The following TMEM132B variants were observed in gnomAD, a reference collection of about 807,000 sequenced individuals.
TMEM132B encodes transmembrane protein 132B.
A neutral mutation model predicts 90.8 loss-of-function variants in TMEM132B; 18 were observed. That is an observed-to-expected ratio of 0.20 (90% CI 0.14 to 0.29). The LOEUF (loss-of-function observed/expected upper bound fraction) is 0.29. TMEM132B is among the 10% of genes least tolerant of loss of function. TMEM132B has a pLI of 1.00. For synonymous variants in TMEM132B, 504 were observed against 523.3 expected, an observed-to-expected ratio of 0.96 and a Z score of 0.50; for missense variants, 1,096 against 1,326.8, an observed-to-expected ratio of 0.83 and a Z score of 2.70.
intron 3 of TMEM132B, among the ~76,000 whole-genome samples, chr12:125,504,557 A>G (rs181083482): frequency 8.5e-5 from 13 of 152,278 alleles, no homozygotes; most frequent in Non-Finnish European, 1.6e-4. Flanking sequence ...AATCTGTTGT[A>G]ATGGCACCTG....
At position 125,659,255 on chromosome 12, in the gene TMEM132B, T is replaced by G. The variant is rs117837469; in HGVS notation, c.*4545T>G. 49 of 152,336 alleles carry G rather than the reference T, an allele frequency of 3.2e-4. No homozygotes were observed. In the East Asian group the frequency reaches 7.9e-3, roughly 25 times the overall value. 9.4% of individuals were successfully genotyped at this position (152,336 alleles called of 1,614,324 possible). Reference sequence around the variant, plus strand: ...TTATCCTAGTAGGCTGGGGAAAGCTTCTCTCCAGATGTCTCAGAAAAAGAT... The same window carrying G: ...TTATCCTAGTAGGCTGGGGAAAGCTGCTCTCCAGATGTCTCAGAAAAAGAT... On this transcript the variant is annotated 3_prime_UTR_variant, in exon 9 of 9. Coordinates refer to ENST00000682704, the MANE Select transcript of TMEM132B (RefSeq NM_001366854.1).
chr12:125,300,356 T>G (rs1477887707), intron 1 of TMEM132B, among the ~76,000 whole-genome samples: 1 of 152,090 alleles, frequency 6.6e-6, no homozygotes, highest in Non-Finnish European at 1.5e-5. Flanking sequence ...TTTATATCCC[T>G]TGTTACAGCC....
chr12:125,280,845 G>C (rs2136130471), intron 1 of TMEM132B, among the ~76,000 whole-genome samples: 1 of 152,382 alleles, frequency 6.6e-6, no homozygotes, highest in African/African-American at 2.4e-5. Context: ...TTTGCGGGAA[G>C]AATGCTCATT....
chr12:125,654,064 G>T lies in TMEM132B; in HGVS notation c.2606G>T (p.Gly869Val), dbSNP rs1166524782. Residue 869 changes from glycine to valine, a missense_variant, in exon 9 of 9, where the codon GGT becomes GTT. Physicochemically the swap from Gly to Val is moderately radical, Grantham distance 109. Transcript: ENST00000682704. The surrounding 1 kb of genome is among the most constrained non-coding windows in gnomAD (Gnocchi z 5.8). ...MEGKNKLLKS[G>V]GPDAFTSFPT... Reference sequence around the variant, plus strand: ...GGGAAGAATAAGTTACTCAAAAGTGGTGGTCCAGATGCCTTTACAAGCTTC... The same window carrying T: ...GGGAAGAATAAGTTACTCAAAAGTGTTGGTCCAGATGCCTTTACAAGCTTC... 2.5e-6 allele frequency: 4 copies of T among 1,614,012 alleles called. No homozygotes were observed. In the African/African-American group the frequency reaches 5.3e-5, roughly 22 times the overall value.
At chr12:125,467,152 G>T (rs1881585256) in intron 3 of TMEM132B, among the ~76,000 whole-genome samples, 1 of 152,066 alleles carries the variant, frequency 6.6e-6, no homozygotes, top group Non-Finnish European at 1.5e-5. Flanking sequence ...CTCCTTTATG[G>T]ATTCAAATAG....
At chr12:125,196,821 A>G (rs1176990722) in intron 1 of TMEM132B, among the ~76,000 whole-genome samples, 1 of 152,190 alleles carries the variant, frequency 6.6e-6, no homozygotes, top group Admixed American at 6.5e-5. Flanking sequence ...GCAATGATGA[A>G]TATTGTTAGT....
At chr12:125,393,983 C>T (rs957896762) in intron 2 of TMEM132B, among the ~76,000 whole-genome samples, 3 of 152,218 alleles carry the variant, frequency 2.0e-5, no homozygotes, top group Non-Finnish European at 4.4e-5. Context: ...TCATAGCTTT[C>T]AGCCTCTAAT....
At chr12:125,400,526 G>A (rs1327172933) in intron 2 of TMEM132B, among the ~76,000 whole-genome samples, 1 of 152,228 alleles carries the variant, frequency 6.6e-6, no homozygotes, top group Non-Finnish European at 1.5e-5. Context: ...ACAGGAGCAT[G>A]TAAGACTGGA....
intron 2 of TMEM132B, among the ~76,000 whole-genome samples, chr12:125,355,249 G>A (rs565606711): frequency 3.3e-4 from 51 of 152,270 alleles, no homozygotes; most frequent in Non-Finnish European, 6.8e-4. Context: ...AGAGCTTACT[G>A]TGTCAGTGGG....
chr12:125,296,091 C>T (rs1057281879), intron 1 of TMEM132B, among the ~76,000 whole-genome samples: 2 of 152,200 alleles, frequency 1.3e-5, no homozygotes, highest in African/African-American at 4.8e-5. Flanking sequence ...CCTTCTGATA[C>T]CCGAGTCTGA....
chr12:125,444,596 T>C (rs1057213432), intron 3 of TMEM132B, among the ~76,000 whole-genome samples: 1 of 152,184 alleles, frequency 6.6e-6, no homozygotes, highest in African/African-American at 2.4e-5. Flanking sequence ...TGGGTATTGA[T>C]ACTTTTAAGA....
chr12:125,431,789 T>G (rs2136401724), intron 3 of TMEM132B, among the ~76,000 whole-genome samples: 1 of 151,862 alleles, frequency 6.6e-6, no homozygotes, highest in South Asian at 2.1e-4. Flanking sequence ...GTGGGACAAG[T>G]GGGTGGTTGG....
chr12:125,565,679 C>T (rs945116526), intron 4 of TMEM132B, among the ~76,000 whole-genome samples: 10 of 152,194 alleles, frequency 6.6e-5, no homozygotes, highest in Non-Finnish European at 2.9e-5. Flanking sequence ...GATGTCCTCT[C>T]CGACTGCCCC....
chr12:125,224,216 T>C (rs10846842), intron 1 of TMEM132B, among the ~76,000 whole-genome samples: 4,973 of 152,330 alleles, frequency 0.033, 119 homozygotes, highest in Non-Finnish European at 0.049. Flanking sequence ...TCATGGACAT[T>C]TGGGTTGTTT....
At chr12:125,239,813 TGGG>T (rs141262975) in intron 1 of TMEM132B, among the ~76,000 whole-genome samples, 1 of 152,122 alleles carries the variant, frequency 6.6e-6, no homozygotes, top group African/African-American at 2.4e-5. Flanking sequence ...CATGGTTTGT[TGGG>T]GGGAAGTGGA....
intron 3 of TMEM132B, among the ~76,000 whole-genome samples, chr12:125,448,964 C>CT (rs368984381): frequency 0.022 from 2,756 of 124,708 alleles, 105 homozygotes; most frequent in East Asian, 0.14. Context: ...ATTCATATAT[C>CT]TTTTTTTTTT....
intron 3 of TMEM132B, among the ~76,000 whole-genome samples, chr12:125,440,482 A>G (rs1196111339): frequency 3.9e-5 from 6 of 152,212 alleles, no homozygotes; most frequent in Non-Finnish European, 7.3e-5. Flanking sequence ...ACTGAAACAG[A>G]TGATGAATTT....
At chr12:125,606,576 CGTT>C (rs1251253614) in intron 5 of TMEM132B, among the ~76,000 whole-genome samples, 1 of 152,208 alleles carries the variant, frequency 6.6e-6, no homozygotes, top group African/African-American at 2.4e-5. Context: ...AGCATGCACA[CGTT>C]GTGTGCTAGT....
rs79124817 is a variant in TMEM132B at position 125,532,243 on chromosome 12, T to G, written c.1293+12618T>G. Among the ~76,000 whole-genome samples the G allele has an allele frequency of 8.5e-3, 1,289 of 152,218 alleles. 6 individuals carry two copies. The highest frequency in any genetic ancestry group is 0.014 in the Non-Finnish European group (971 of 68,000). ...GCAAGTTCGGGAAAGAAATGGGTGG[T>G]TGTCAGTCAGAGCAACAAAGTAGTG... On this transcript the variant is annotated intron_variant, in intron 4 of 8. Coordinates refer to ENST00000682704, the MANE Select transcript of TMEM132B (RefSeq NM_001366854.1).
Sources: allele counts gnomAD v4.1 joint callset (sites outside exome capture counted in the v4.1 genomes callset), GRCh38; gene constraint gnomAD v4.1.1; non-coding constraint Gnocchi (gnomAD v3.1); transcripts MANE v1.5; gene names NCBI Gene and HGNC (gene_info 2026-07-23, HGNC 2026-07-21).